ACACA: variants seen among roughly 807,000 people sequenced by gnomAD.
ACACA encodes acetyl-CoA carboxylase alpha.
In ACACA, 103 loss-of-function variants were observed where a neutral mutation model predicts 296.1. That is an observed-to-expected ratio of 0.35 (90% confidence interval 0.30 to 0.41). ACACA has a LOEUF of 0.41. Ranked by LOEUF, ACACA falls within the 10% of genes least tolerant of loss-of-function variation. The pLI, the probability that ACACA is intolerant of heterozygous loss-of-function variation, is 1.00. For synonymous variants in ACACA, 953 were observed against 1,038.6 expected, an observed-to-expected ratio of 0.92 and a Z score of 1.58; for missense variants, 1,554 against 2,989.7, an observed-to-expected ratio of 0.52 and a Z score of 11.20.
intron 1 of ACACA, chr17:37,388,879 A>T: frequency 6.6e-7 from 1 of 1,511,900 alleles, no homozygotes; most frequent in Non-Finnish European, 9.0e-7. Flanking sequence ...TAAGGAGAAA[A>T]GCATAGACTT....
chr17:37,302,767 C>T (rs1408262546), intron 3 of ACACA, among the ~76,000 whole-genome samples: 4 of 152,076 alleles, frequency 2.6e-5, no homozygotes, highest in Non-Finnish European at 1.5e-5. Context: ...ATATACTTAA[C>T]TTTTCTATAT....
chr17:37,161,527 A>G, intron 42 of ACACA: 1 of 560,100 alleles, frequency 1.8e-6, no homozygotes, highest in Non-Finnish European at 3.2e-6. Flanking sequence ...ATGCATACCT[A>G]CTATTTCATC....
chr17:37,125,643 C>T, intron 48 of ACACA, 55 bp downstream of exon 48: 1 of 1,423,484 alleles, frequency 7.0e-7, no homozygotes, highest in Non-Finnish European at 9.9e-7. Context: ...ATGGCTCTTT[C>T]TTTCTTATTT....
intron 45 of ACACA, chr17:37,143,767 T>A: frequency 3.1e-6 from 3 of 982,482 alleles, no homozygotes. Flanking sequence ...TTTTTCGGCC[T>A]TGGCAACTCC....
chr17:37,403,312 T>C (rs919495643), intron 1 of ACACA, among the ~76,000 whole-genome samples: 1 of 151,868 alleles, frequency 6.6e-6, no homozygotes, highest in Non-Finnish European at 1.5e-5. Flanking sequence ...GAGTACTGCC[T>C]TAATCAGTAA....
intron 24 of ACACA, among the ~76,000 whole-genome samples, 189 bp downstream of exon 24, chr17:37,240,287 G>A (rs1288714316): frequency 3.3e-5 from 5 of 152,176 alleles, no homozygotes; most frequent in African/African-American, 9.7e-5. Context: ...GTGTTTCGTT[G>A]TTCTTTCTTT....
At chr17:37,205,417 G>A (rs2078452384) in intron 33 of ACACA, among the ~76,000 whole-genome samples, 1 of 152,166 alleles carries the variant, frequency 6.6e-6, no homozygotes, top group Admixed American at 6.5e-5. Flanking sequence ...GGAAGACACA[G>A]AAGGGACCTA....
At chr17:37,167,062 A>C (rs569428709) in intron 41 of ACACA, among the ~76,000 whole-genome samples, 1 of 149,918 alleles carries the variant, frequency 6.7e-6, no homozygotes, top group African/African-American at 2.5e-5. Flanking sequence ...CTCCTGCCTC[A>C]GTTTCCTGAG....
chr17:37,342,913 A>T (rs1203219151), intron 1 of ACACA, among the ~76,000 whole-genome samples: 1 of 152,138 alleles, frequency 6.6e-6, no homozygotes, highest in African/African-American at 2.4e-5. Context: ...GGCCAACAGA[A>T]TGAGATTTTG....
In ACACA at chr17:37,248,010, C is replaced by A; in HGVS notation, c.2309+1G>T. 1 of 1,613,978 alleles carries A rather than the reference C, an allele frequency of 6.2e-7. No homozygotes were observed. Among genetic ancestry groups the A allele is most frequent in the Non-Finnish European group, 8.5e-7 (1 of 1,180,016 alleles). On this transcript the variant is annotated splice_donor_variant, in intron 18 of 55. Coordinates refer to ENST00000616317, the MANE Select transcript of ACACA (RefSeq NM_198834.3). LOFTEE classifies it high-confidence loss of function. ...CAAATGGACCTCAAACAGCCACTTA[C>A]CTATCCACTTCCTCTTTCATATACG... is the stretch of plus-strand genomic sequence containing the variant.
At chr17:37,362,780 C>T (rs1027372755) in intron 1 of ACACA, among the ~76,000 whole-genome samples, 1 of 152,042 alleles carries the variant, frequency 6.6e-6, no homozygotes, top group African/African-American at 2.4e-5. Context: ...TCGAGACCAT[C>T]CTGGCTAATG....
At chr17:37,162,170 A>T (rs964905078) in intron 41 of ACACA, 120 bp from the exon 42 acceptor site, 1 of 1,086,546 alleles carries the variant, frequency 9.2e-7, no homozygotes, top group Non-Finnish European at 1.4e-6. Context: ...ACACATTGCT[A>T]AAGAGCCAAA....
At chr17:37,178,455 T>C (rs1353192065) in intron 41 of ACACA, among the ~76,000 whole-genome samples, 1 of 152,190 alleles carries the variant, frequency 6.6e-6, no homozygotes, top group Non-Finnish European at 1.5e-5. Flanking sequence ...AATGCATTTA[T>C]TAATATGAAT....
At chr17:37,235,575 T>A (rs1256371581) in intron 24 of ACACA, among the ~76,000 whole-genome samples, 2 of 152,202 alleles carry the variant, frequency 1.3e-5, no homozygotes. Context: ...GAGATTCTGA[T>A]TCCATGTTTG....
At chr17:37,322,181 A>T (rs1281536654) in intron 3 of ACACA, among the ~76,000 whole-genome samples, 2 of 152,218 alleles carry the variant, frequency 1.3e-5, no homozygotes, top group Non-Finnish European at 2.9e-5. Context: ...AAGAAATAGA[A>T]ATATAACTCA....
Position 37,200,195 on chromosome 17 carries a change from AAGAG to A in ACACA, c.4114-16_4114-13del, listed in dbSNP as rs2078181948. 3 of 1,603,532 alleles carry A rather than the reference AAGAG, an allele frequency of 1.9e-6. No individual in the cohort carries two copies. Among genetic ancestry groups the A allele is most frequent in the African/African-American group, 1.3e-5 (1 of 74,658 alleles). ...TGCTTTCTGAAATCCTTTCAAATAAAAGAGAGAAAGGAAGGAAAGACAGCAGAAG... is the reference window on the plus strand; with the variant it reads ...TGCTTTCTGAAATCCTTTCAAATAAAAGAAAGGAAGGAAAGACAGCAGAAG... On this transcript the variant is annotated splice_polypyrimidine_tract_variant and intron_variant, in intron 34 of 55. Transcript: ENST00000616317.
chr17:37,269,769 A>C (rs974108926), intron 10 of ACACA, among the ~76,000 whole-genome samples: 2 of 151,952 alleles, frequency 1.3e-5, no homozygotes, highest in Admixed American at 1.3e-4. Context: ...AAGGGAAAAA[A>C]AAAAAAAAGC....
At chr17:37,380,972 TA>T in intron 1 of ACACA, among the ~76,000 whole-genome samples, 1 of 151,914 alleles carries the variant, frequency 6.6e-6, no homozygotes, top group East Asian at 1.9e-4. Flanking sequence ...TAGTGAAAAG[TA>T]AGTCTCTCTC....
chr17:37,357,214 C>T (rs1174810337), intron 1 of ACACA, among the ~76,000 whole-genome samples: 1 of 152,156 alleles, frequency 6.6e-6, no homozygotes, highest in African/African-American at 2.4e-5. Flanking sequence ...CAAAACAAGC[C>T]TGGCGTGGTG....
Sources: gnomAD v4.1 joint callset for allele counts (sites outside exome capture counted in the v4.1 genomes callset) on GRCh38, gnomAD v4.1.1 for gene constraint, MANE v1.5 for transcripts, NCBI Gene and HGNC (gene_info 2026-07-23, HGNC 2026-07-21) for gene names.